The following MANBA variants were observed in gnomAD, a reference collection of about 807,000 sequenced individuals.
The protein encoded by MANBA is mannosidase beta.
In MANBA, 83 loss-of-function variants were observed where a neutral mutation model predicts 111.1. That is an observed-to-expected ratio of 0.75 (90% confidence interval 0.63 to 0.90). The LOEUF is 0.90. MANBA is among the 40% of genes least tolerant of loss of function. MANBA has a pLI of 0.00. For synonymous variants in MANBA, 370 were observed against 378.7 expected (o/e 0.98, Z 0.27); for missense variants, 1,036 against 1,069.0 (o/e 0.97, Z 0.43).
intron 5 of MANBA, among the ~76,000 whole-genome samples, chr4:102,691,130 C>T (rs1732457085): frequency 6.6e-6 from 1 of 151,696 alleles, no homozygotes; most frequent in South Asian, 2.1e-4. Flanking sequence ...AGTAAAAATA[C>T]TTTATAAAGT....
intron 9 of MANBA, among the ~76,000 whole-genome samples, chr4:102,670,394 T>C (rs1388760815): frequency 6.6e-6 from 1 of 152,144 alleles, no homozygotes; most frequent in Non-Finnish European, 1.5e-5. Flanking sequence ...TATAGAATAT[T>C]GTCATCGTCA....
intron 1 of MANBA, chr4:102,730,037 G>T: frequency 2.5e-6 from 2 of 797,540 alleles, no homozygotes; most frequent in South Asian, 3.1e-5. Context: ...AACCTTGGAA[G>T]CTGCTGCTGC....
At chr4:102,688,224 A>G (rs574556774) in intron 7 of MANBA, among the ~76,000 whole-genome samples, 99 of 152,088 alleles carry the variant, frequency 6.5e-4, no homozygotes, top group Non-Finnish European at 1.1e-3. Context: ...ACAAGAGTGA[A>G]TGCTTTGGCC....
chr4:102,647,169 G>T (rs1730139950), intron 13 of MANBA, among the ~76,000 whole-genome samples: 1 of 150,780 alleles, frequency 6.6e-6, no homozygotes, highest in Admixed American at 6.7e-5. Context: ...TTTCCTGTCT[G>T]TATTTCAGTC....
intron 7 of MANBA, among the ~76,000 whole-genome samples, chr4:102,688,258 T>C (rs1454604921): frequency 1.3e-5 from 2 of 151,858 alleles, no homozygotes; most frequent in Admixed American, 1.3e-4. Context: ...CAGGATGTTC[T>C]CCCTGTACAT....
At chr4:102,699,052 C>G (rs1039975525) in intron 5 of MANBA, among the ~76,000 whole-genome samples, 3 of 151,848 alleles carry the variant, frequency 2.0e-5, no homozygotes, top group African/African-American at 7.2e-5. Flanking sequence ...GTTTGTAGTT[C>G]TCCTTGAAGA....
In MANBA at chr4:102,726,655, T is replaced by C. The variant is rs751108070; in HGVS notation, c.206A>G (p.Asn69Ser). The change falls in exon 2 of 17, where the codon AAC becomes AGC. Residue 69 changes from asparagine to serine, a missense_variant. Physicochemically the swap from Asn to Ser is conservative, Grantham distance 46 (BLOSUM62 1). Transcript: ENST00000647097. The part of the protein sequence containing the change: ...QDSYYRFNDL[N>S]YRWVSLDNWT... ...GTTATCCAAAGAGACCCATCTGTAGTTAAGGTCATTAAATCTGTAGTAAGA... is the reference window on the plus strand; with the variant it reads ...GTTATCCAAAGAGACCCATCTGTAGCTAAGGTCATTAAATCTGTAGTAAGA... 6.4e-7 allele frequency: 1 copy of C among 1,566,284 alleles called. No individual in the cohort carries two copies. Among genetic ancestry groups the C allele is most frequent in the East Asian group, 2.2e-5 (1 of 44,512 alleles).
At chr4:102,701,483 T>A (rs1434179025) in intron 5 of MANBA, among the ~76,000 whole-genome samples, 2 of 152,254 alleles carry the variant, frequency 1.3e-5, no homozygotes, top group African/African-American at 2.4e-5. Flanking sequence ...GGCATGATTT[T>A]GTAGCAGCTG....
At chr4:102,676,226 T>C (rs1731721798) in intron 7 of MANBA, among the ~76,000 whole-genome samples, 1 of 152,182 alleles carries the variant, frequency 6.6e-6, no homozygotes, top group Non-Finnish European at 1.5e-5. Flanking sequence ...AAATAATATT[T>C]ATGGTGCCAG....
At chr4:102,738,732 C>A (rs1019968357) in intron 1 of MANBA, among the ~76,000 whole-genome samples, 1 of 152,134 alleles carries the variant, frequency 6.6e-6, no homozygotes, top group African/African-American at 2.4e-5. Context: ...AGCTCTCCAG[C>A]AATGGATCGA....
intron 5 of MANBA, among the ~76,000 whole-genome samples, chr4:102,705,840 T>C (rs997498631): frequency 6.6e-6 from 1 of 152,106 alleles, no homozygotes; most frequent in African/African-American, 2.4e-5. Context: ...CATCCACCAC[T>C]GTTGGTACCT....
chr4:102,734,443 G>A (rs1356284893), intron 1 of MANBA: 1 of 1,606,742 alleles, frequency 6.2e-7, no homozygotes, highest in East Asian at 2.2e-5. Flanking sequence ...CTCTTCCTGG[G>A]AGCCATCTTC....
At chr4:102,680,735 G>A (rs1301397204) in intron 7 of MANBA, among the ~76,000 whole-genome samples, 1 of 152,182 alleles carries the variant, frequency 6.6e-6, no homozygotes, top group Non-Finnish European at 1.5e-5. Flanking sequence ...CACATATGCA[G>A]CATCTTTTAT....
chr4:102,753,289 G>A (rs983558621), intron 1 of MANBA, among the ~76,000 whole-genome samples: 7 of 151,596 alleles, frequency 4.6e-5, no homozygotes, highest in Admixed American at 6.6e-5. Flanking sequence ...TTTTTACAGT[G>A]GTCTTTTTCT....
chr4:102,723,826 T>C (rs757315524), intron 3 of MANBA, 36 bp downstream of exon 3: 3 of 1,213,902 alleles, frequency 2.5e-6, no homozygotes, highest in Admixed American at 1.8e-5. Flanking sequence ...TAAACACACA[T>C]AAATTTTTTT....
At position 102,646,402 on chromosome 4, in the gene MANBA, A is replaced by G. The variant is rs560593788; in HGVS notation, c.1869+4135T>C. ...TATCATCAAAACCTGGGCCTACAGC[A>G]TCACCTACCTTTTGTCCTAGTTCTT... is the stretch of plus-strand genomic sequence containing the variant. On this transcript the variant is annotated intron_variant, in intron 13 of 16. Transcript: ENST00000647097. Among the ~76,000 whole-genome samples the G allele has an allele frequency of 6.0e-4, 91 of 152,240 alleles. 1 individual carries two copies. The highest frequency in any genetic ancestry group is 2.1e-3 in the African/African-American group (88 of 41,564).
rs780068572 is a variant in MANBA at position 102,657,738 on chromosome 4, G to A, written c.1648C>T (p.Arg550Ter). Residue 550 changes from arginine to a stop codon, truncating the protein, a stop_gained, in exon 12 of 17, where the codon CGA (arginine) becomes TGA (stop). Transcript: ENST00000647097. LOFTEE classifies it high-confidence loss of function. ...TGATATCCATATTCAGATGCAAATC[G>A]AGCTTTTGGGAAAACTTTCCAGTTC... Reference protein sequence around the residue: ...CWNWKVFPKARFASEYGYQSW... With the variant: ...CWNWKVFPKA 1.4e-5 allele frequency: 22 copies of A among 1,613,662 alleles called. No individual in the cohort carries two copies. The highest frequency in any genetic ancestry group is 5.3e-5 in the African/African-American group (4 of 74,858).
chr4:102,658,679 T>G (rs1578876885), intron 11 of MANBA, among the ~76,000 whole-genome samples: 1 of 152,216 alleles, frequency 6.6e-6, no homozygotes, highest in African/African-American at 2.4e-5. Flanking sequence ...CTAGCCCATA[T>G]GGGGCCATGT....
At chr4:102,751,852 A>C (rs1016555047) in intron 1 of MANBA, 5 of 520,294 alleles carry the variant, frequency 9.6e-6, no homozygotes, top group South Asian at 4.6e-5. Context: ...GCCAAAAAAA[A>C]AGATAGTTTG....
Sources: allele counts gnomAD v4.1 joint callset (sites outside exome capture counted in the v4.1 genomes callset), GRCh38; gene constraint gnomAD v4.1.1; transcripts MANE v1.5; gene names NCBI Gene and HGNC (gene_info 2026-07-23, HGNC 2026-07-21).